The following OLFM3 variants were observed in gnomAD, a reference collection of about 807,000 sequenced individuals.
The protein encoded by OLFM3 is noelin-3.
OLFM3 carries 20 observed loss-of-function variants against 48.6 expected under a neutral mutation model. That is an observed-to-expected ratio of 0.41 (90% CI 0.29 to 0.60). The LOEUF is 0.60. OLFM3 is among the 20% of genes least tolerant of loss of function. The pLI is 0.28. For missense variants in OLFM3, 437 were observed against 544.3 expected (o/e 0.80, Z 1.96); for synonymous variants, 222 against 198.1 (o/e 1.12, Z -1.01).
At chr1:101,891,818 A>G (rs1391582954) in intron 1 of OLFM3, among the ~76,000 whole-genome samples, 1 of 152,024 alleles carries the variant, frequency 6.6e-6, no homozygotes, top group Non-Finnish European at 1.5e-5. Context: ...GACATTATTT[A>G]CCATGAAAAT....
At chr1:101,854,856 A>T (rs1212649665) in intron 1 of OLFM3, among the ~76,000 whole-genome samples, 2 of 151,928 alleles carry the variant, frequency 1.3e-5, no homozygotes, top group Non-Finnish European at 2.9e-5. Flanking sequence ...TAAATTGGGG[A>T]TGATAAGAGA....
intron 1 of OLFM3, among the ~76,000 whole-genome samples, chr1:101,969,805 T>A (rs545485235): frequency 1.6e-4 from 24 of 152,116 alleles, no homozygotes; most frequent in Middle Eastern, 3.4e-3. Context: ...TCAATCAGAA[T>A]GGTGGTGAGG....
intron 1 of OLFM3, among the ~76,000 whole-genome samples, chr1:101,859,363 C>T (rs1163923467): frequency 2.0e-5 from 3 of 151,898 alleles, no homozygotes; most frequent in Non-Finnish European, 4.4e-5. Flanking sequence ...AGTTAGGCGG[C>T]CATTTCAGCG....
At chr1:101,984,247 C>CAAAA (rs11313941) in intron 1 of OLFM3, among the ~76,000 whole-genome samples, 1 of 89,652 alleles carries the variant, frequency 1.1e-5, no homozygotes, top group Non-Finnish European at 2.2e-5. Flanking sequence ...GACTCTGTCT[C>CAAAA]AAAAAAAAAA....
intron 1 of OLFM3, among the ~76,000 whole-genome samples, chr1:101,961,980 A>C (rs1454741591): frequency 6.6e-6 from 1 of 152,194 alleles, no homozygotes; most frequent in Non-Finnish European, 1.5e-5. Flanking sequence ...TCATCTGTTA[A>C]CACTTCTGTC....
At chr1:101,925,175 G>A (rs995740194) in intron 1 of OLFM3, among the ~76,000 whole-genome samples, 3 of 152,084 alleles carry the variant, frequency 2.0e-5, no homozygotes, top group African/African-American at 7.2e-5. Flanking sequence ...TATGGTCACA[G>A]GGTGCCAGAG....
At chr1:101,823,739 A>G (rs957525672) in intron 4 of OLFM3, among the ~76,000 whole-genome samples, 2 of 152,062 alleles carry the variant, frequency 1.3e-5, no homozygotes, top group East Asian at 1.9e-4. Context: ...TCTATTATAT[A>G]TAGTTGATTG....
At chr1:101,887,088 GT>G in intron 1 of OLFM3, among the ~76,000 whole-genome samples, 1 of 151,620 alleles carries the variant, frequency 6.6e-6, no homozygotes, top group Non-Finnish European at 1.5e-5. Context: ...AGAAAATTTT[GT>G]TTTTTTAAAT....
At chr1:101,937,802 C>T (rs905203071) in intron 1 of OLFM3, among the ~76,000 whole-genome samples, 1 of 152,198 alleles carries the variant, frequency 6.6e-6, no homozygotes, top group Non-Finnish European at 1.5e-5. Flanking sequence ...AAGGTATCTC[C>T]TGACCACCCT....
chr1:101,927,963 G>A (rs541982587), intron 1 of OLFM3, among the ~76,000 whole-genome samples: 1 of 151,920 alleles, frequency 6.6e-6, no homozygotes, highest in Non-Finnish European at 1.5e-5. Context: ...ATTAGTAGAT[G>A]AACATATGAA....
At chr1:101,995,120 T>A (rs1570699575) in intron 1 of OLFM3, among the ~76,000 whole-genome samples, 1 of 152,134 alleles carries the variant, frequency 6.6e-6, no homozygotes, top group African/African-American at 2.4e-5. Flanking sequence ...AAATTGTTAA[T>A]GAAGCTCTAC....
intron 1 of OLFM3, among the ~76,000 whole-genome samples, chr1:101,865,711 G>A (rs2100969484): frequency 6.6e-6 from 1 of 152,272 alleles, no homozygotes; most frequent in African/African-American, 2.4e-5. Flanking sequence ...CAAGTCCTGG[G>A]AGACACTGGC....
At chr1:101,944,764 C>T (rs1659902108) in intron 1 of OLFM3, among the ~76,000 whole-genome samples, 1 of 151,810 alleles carries the variant, frequency 6.6e-6, no homozygotes, top group Admixed American at 6.6e-5. Flanking sequence ...CCTGTAATCC[C>T]AGCTACTCAG....
At chr1:101,911,279 G>T (rs1437400647) in intron 1 of OLFM3, among the ~76,000 whole-genome samples, 1 of 152,148 alleles carries the variant, frequency 6.6e-6, no homozygotes. Flanking sequence ...ATATTAAAAT[G>T]AGATTTTTAA....
chr1:101,991,016 A>AAATATATATATAT (rs1553186119), intron 1 of OLFM3, among the ~76,000 whole-genome samples: 12 of 32,212 alleles, frequency 3.7e-4, no homozygotes, highest in Non-Finnish European at 5.2e-4. Flanking sequence ...AAAAAAAAAA[A>AAATATATATATAT]ATATATATAT....
chr1:101,911,525 G>A (rs1290219962), intron 1 of OLFM3, among the ~76,000 whole-genome samples: 1 of 152,056 alleles, frequency 6.6e-6, no homozygotes, highest in Non-Finnish European at 1.5e-5. Context: ...ATACAGTGGA[G>A]GAAAATAAGT....
At chr1:101,915,577 G>C (rs1451129250) in intron 1 of OLFM3, among the ~76,000 whole-genome samples, 1 of 151,992 alleles carries the variant, frequency 6.6e-6, no homozygotes, top group Non-Finnish European at 1.5e-5. Context: ...TCTCTTAGTA[G>C]AAATAGTTCA....
At chr1:101,835,470 A>G (rs1655357862) in intron 2 of OLFM3, among the ~76,000 whole-genome samples, 1 of 152,142 alleles carries the variant, frequency 6.6e-6, no homozygotes, top group Non-Finnish European at 1.5e-5. Flanking sequence ...GCACACCACA[A>G]TGCCCAGTTA....
At chr1:101,815,971 AAAGAAGCCCAAG>A (rs1466139034) in intron 4 of OLFM3, among the ~76,000 whole-genome samples, 2 of 152,222 alleles carry the variant, frequency 1.3e-5, no homozygotes, top group East Asian at 3.8e-4. Flanking sequence ...AAGACTCATC[AAAGAAGCCCAAG>A]AATAAGCTAT....
Sources: allele counts gnomAD v4.1 joint callset (sites outside exome capture counted in the v4.1 genomes callset), GRCh38; gene constraint gnomAD v4.1.1; transcripts MANE v1.5; gene names NCBI Gene and HGNC (gene_info 2026-07-23, HGNC 2026-07-21).